Variants in DCC observed in about 807,000 individuals in gnomAD.
The protein encoded by DCC is DCC netrin 1 receptor.
In DCC, 58 loss-of-function variants were observed where a neutral mutation model predicts 172.5. The ratio of observed to expected loss-of-function variants is 0.34; its 90% CI spans 0.27 to 0.42. The LOEUF is 0.42. DCC is among the 10% of genes least tolerant of loss of function. The probability of loss-of-function intolerance (pLI) is 1.00; values close to 1 mark genes in which losing one functional copy is unlikely to be tolerated. For synonymous variants in DCC, 709 were observed against 644.5 expected (o/e 1.10, Z -1.52); for missense variants, 1,740 against 1,791.0 (o/e 0.97, Z 0.51).
chr18:52,455,127 T>C (rs907101833), intron 1 of DCC, among the ~76,000 whole-genome samples: 13 of 152,234 alleles, frequency 8.5e-5, no homozygotes, highest in Admixed American at 7.2e-4. Flanking sequence ...TTATTTTTAA[T>C]CATTTTTAAA....
chr18:53,387,856 A>G (rs374083271), intron 16 of DCC, among the ~76,000 whole-genome samples: 3 of 152,206 alleles, frequency 2.0e-5, no homozygotes, highest in Admixed American at 1.3e-4. Flanking sequence ...TTCTCTTACC[A>G]AAGCTAATGG....
intron 5 of DCC, among the ~76,000 whole-genome samples, chr18:53,000,657 T>C (rs1323527372): frequency 7.1e-6 from 1 of 140,160 alleles, no homozygotes; most frequent in Non-Finnish European, 1.5e-5. Context: ...AGGAACTCAG[T>C]CAGAGCCAGT....
At chr18:52,806,322 T>G (rs1408473426) in intron 2 of DCC, among the ~76,000 whole-genome samples, 3 of 152,224 alleles carry the variant, frequency 2.0e-5, no homozygotes, top group Non-Finnish European at 4.4e-5. Flanking sequence ...GAACTTACAT[T>G]GATACATCAT....
intron 12 of DCC, among the ~76,000 whole-genome samples, chr18:53,279,118 A>G (rs1293163150): frequency 6.6e-6 from 1 of 152,144 alleles, no homozygotes; most frequent in African/African-American, 2.4e-5. Context: ...CTGGTGTGAG[A>G]TGGTATCTCA....
At chr18:52,907,450 C>T (rs1487616056) in intron 3 of DCC, among the ~76,000 whole-genome samples, 1 of 151,318 alleles carries the variant, frequency 6.6e-6, no homozygotes, top group East Asian at 1.9e-4. Flanking sequence ...TAGGGTCTTA[C>T]TCTGTTGCCC....
intron 15 of DCC, among the ~76,000 whole-genome samples, chr18:53,381,653 T>G (rs2144982762): frequency 7.0e-6 from 1 of 142,088 alleles, no homozygotes; most frequent in East Asian, 2.2e-4. Context: ...AGACCAGACT[T>G]CAGTATCTAT....
At chr18:53,427,734 A>G (rs1462294702) in intron 21 of DCC, among the ~76,000 whole-genome samples, 1 of 148,184 alleles carries the variant, frequency 6.7e-6, no homozygotes, top group Non-Finnish European at 1.5e-5. Flanking sequence ...ACTCTCCCTT[A>G]TGAGACATCA....
In DCC at chr18:53,415,936, C is replaced by T. The variant is rs557373120; in HGVS notation, c.3131-188C>T. 4.6e-5 allele frequency among the ~76,000 whole-genome samples: 7 copies of T among 152,042 alleles called. No individual in the cohort carries two copies. In the East Asian group the frequency reaches 9.7e-4, roughly 21 times the overall value. ...ATTTGTACAGCAAAAACATTATTTT[C>T]AATTTTTTTTCTCTGAATACTTATT... On this transcript the variant is annotated intron_variant, in intron 20 of 28. Transcript: ENST00000442544.
chr18:52,526,984 G>A (rs1310050942), intron 1 of DCC, among the ~76,000 whole-genome samples: 2 of 152,110 alleles, frequency 1.3e-5, no homozygotes, highest in African/African-American at 2.4e-5. Context: ...AAAGTCACAC[G>A]CCAATGCTTT....
intron 1 of DCC, among the ~76,000 whole-genome samples, chr18:52,482,841 C>T (rs1488437986): frequency 6.6e-6 from 1 of 152,122 alleles, no homozygotes; most frequent in Non-Finnish European, 1.5e-5. Context: ...TCTCTTTACC[C>T]CTTTCGTATG....
chr18:53,364,705 T>C (rs1198402075), intron 15 of DCC, among the ~76,000 whole-genome samples: 4 of 152,148 alleles, frequency 2.6e-5, no homozygotes, highest in East Asian at 3.8e-4. Flanking sequence ...AATGAAGTCA[T>C]AACATCTCTA....
intron 5 of DCC, among the ~76,000 whole-genome samples, chr18:53,009,265 T>G (rs2041692282): frequency 6.6e-6 from 1 of 151,994 alleles, no homozygotes; most frequent in Non-Finnish European, 1.5e-5. Context: ...GCTTTTATTA[T>G]TTTCTGATGC....
intron 1 of DCC, among the ~76,000 whole-genome samples, chr18:52,735,306 C>A (rs1029759427): frequency 1.2e-4 from 18 of 152,218 alleles, no homozygotes; most frequent in African/African-American, 4.1e-4. Flanking sequence ...GTATGATAAG[C>A]CATTTTACAC....
At chr18:53,070,000 G>A (rs2042631431) in intron 7 of DCC, among the ~76,000 whole-genome samples, 1 of 145,200 alleles carries the variant, frequency 6.9e-6, no homozygotes, top group Admixed American at 7.0e-5. Flanking sequence ...TTTTTTTTGA[G>A]ACAGAATCTC....
chr18:53,192,516 G>A (rs1337792578), intron 9 of DCC, among the ~76,000 whole-genome samples: 1 of 152,148 alleles, frequency 6.6e-6, no homozygotes, highest in Non-Finnish European at 1.5e-5. Context: ...GTGGGAAACA[G>A]AGCAAACAGA....
At chr18:52,953,000 CAAAAAAAAAAAAAAAA>C (rs11315976) in intron 5 of DCC, among the ~76,000 whole-genome samples, 2 of 52,218 alleles carry the variant, frequency 3.8e-5, no homozygotes, top group East Asian at 8.1e-4. Context: ...TCTCCTGTCT[CAAAAAAAAAAAAAAAA>C]AAAAAAAAAA....
At chr18:52,832,310 C>A (rs1598848595) in intron 2 of DCC, among the ~76,000 whole-genome samples, 1 of 152,062 alleles carries the variant, frequency 6.6e-6, no homozygotes, top group Admixed American at 6.6e-5. Context: ...AAGCCTGGTG[C>A]CATGGGTTTG....
At chr18:52,742,145 C>A (rs2036831436) in intron 1 of DCC, among the ~76,000 whole-genome samples, 1 of 152,186 alleles carries the variant, frequency 6.6e-6, no homozygotes, top group African/African-American at 2.4e-5. Context: ...TGATCCTGGA[C>A]TTCCCAGCTT....
At chr18:52,600,934 C>T (rs1334032012) in intron 1 of DCC, among the ~76,000 whole-genome samples, 1 of 151,838 alleles carries the variant, frequency 6.6e-6, no homozygotes, top group Non-Finnish European at 1.5e-5. Flanking sequence ...TACTATATAA[C>T]CCAAAGTTAT....
Sources: gnomAD v4.1 joint callset for allele counts (sites outside exome capture counted in the v4.1 genomes callset) on GRCh38, gnomAD v4.1.1 for gene constraint, MANE v1.5 for transcripts, NCBI Gene and HGNC (gene_info 2026-07-23, HGNC 2026-07-21) for gene names.